The following TOP1 variants were observed in gnomAD, a reference collection of about 807,000 sequenced individuals.
TOP1 encodes the protein DNA topoisomerase 1.
Under a neutral mutation model 111.1 loss-of-function variants are expected in TOP1, and 10 were observed. The observed-to-expected ratio is 0.09, with a 90% CI of 0.06 to 0.15. The LOEUF (loss-of-function observed/expected upper bound fraction) is 0.15. Among genes scored for constraint, TOP1 ranks in the 10% least tolerant of loss-of-function variants. The pLI, the probability that TOP1 is intolerant of heterozygous loss-of-function variation, is 1.00. For missense variants in TOP1, 474 were observed against 926.7 expected, an observed-to-expected ratio of 0.51 and a Z score of 6.34; for synonymous variants, 271 against 302.9, an observed-to-expected ratio of 0.89 and a Z score of 1.10.
chr20:41,080,330 A>G lies in TOP1; in HGVS notation c.431+150A>G, dbSNP rs575345507. 1.8e-6 allele frequency: 1 copy of G among 550,384 alleles called. No individual in the cohort carries two copies. The highest frequency in any genetic ancestry group is 3.2e-5 in the East Asian group (1 of 31,636). 34.1% of individuals were successfully genotyped at this position (550,384 alleles called of 1,614,324 possible). ...TGTGATTAATGGACTGATTTCTCTG[A>G]ACTATGAGAAGTAGAGTTTGCTAAA... On this transcript the variant is annotated intron_variant, in intron 6 of 20. Transcript: ENST00000361337. This position sits in a 1 kb window ranked among gnomAD's most constrained non-coding sequence, Gnocchi z 5.0.
intron 2 of TOP1, among the ~76,000 whole-genome samples, chr20:41,036,292 T>C (rs576032576): frequency 2.6e-5 from 4 of 152,246 alleles, no homozygotes; most frequent in Admixed American, 1.3e-4. Flanking sequence ...ACCCTTTGTA[T>C]GTGGAATGTT....
chr20:41,057,165 C>T (rs2033483855), intron 2 of TOP1, among the ~76,000 whole-genome samples: 1 of 152,012 alleles, frequency 6.6e-6, no homozygotes, highest in African/African-American at 2.4e-5. Context: ...ACTCGGGAGG[C>T]TGAGGCAGGA....
intron 7 of TOP1, 32 bp from the exon 8 acceptor site, chr20:41,084,430 T>C: frequency 1.4e-6 from 2 of 1,397,346 alleles, no homozygotes; most frequent in Non-Finnish European, 9.8e-7. Flanking sequence ...TCAGTCTTTA[T>C]TTAAGTGCTT....
Position 41,036,296 on chromosome 20 carries a change from G to A in TOP1, c.58+6841G>A, listed in dbSNP as rs184496906. 3.5e-4 allele frequency among the ~76,000 whole-genome samples: 54 copies of A among 152,286 alleles called. 1 individual carries two copies. In the East Asian group the frequency reaches 4.8e-3, roughly 14 times the overall value. ...AGATAGCTTGGACCCTTTGTATGTG[G>A]AATGTTAGGTCTAGGGGAAGAGTGG... On this transcript the variant is annotated intron_variant, in intron 2 of 20. Transcript: ENST00000361337.
Position 41,122,495 on chromosome 20 carries a change from C to T in TOP1, c.2195+340C>T, listed in dbSNP as rs146624999. Among the ~76,000 whole-genome samples, 1 of 152,334 alleles carries T rather than the reference C, an allele frequency of 6.6e-6. No homozygotes were observed. Among genetic ancestry groups the T allele is most frequent in the East Asian group, 1.9e-4 (1 of 5,186 alleles). ...ATAGGAAAGAGCCCATCCATCTCTA[C>T]ACTTCAACAAAACTTTTCGTTGAAT... On this transcript the variant is annotated intron_variant, in intron 20 of 20. Coordinates refer to ENST00000361337, the MANE Select transcript of TOP1 (RefSeq NM_003286.4). The surrounding 1 kb of genome is among the most constrained non-coding windows in gnomAD (Gnocchi z 5.4).
At position 41,114,296 on chromosome 20, in the gene TOP1, C is replaced by A; in HGVS notation, c.1638+141C>A. The A allele has an allele frequency of 1.4e-6, 1 of 691,570 alleles. No homozygotes were observed. The highest frequency in any genetic ancestry group is 2.5e-6 in the Non-Finnish European group (1 of 407,164). The allele number at this position is 691,570 out of a possible 1,614,324, so 42.8% of individuals were successfully genotyped here. On this transcript the variant is annotated intron_variant, in intron 15 of 20. Transcript: ENST00000361337. The surrounding 1 kb of genome is among the most constrained non-coding windows in gnomAD (Gnocchi z 4.5). ...AGGCAACATGGCACATGCCTGTAGA[C>A]CCAGCTATTCAGAAGGCTGAGACAG... is the stretch of plus-strand genomic sequence containing the variant.
intron 8 of TOP1, among the ~76,000 whole-genome samples, chr20:41,086,704 G>T (rs1203143309): frequency 6.6e-6 from 1 of 152,130 alleles, no homozygotes; most frequent in African/African-American, 2.4e-5. Context: ...ATGACTTTTG[G>T]TTTTTATTCT....
intron 8 of TOP1, among the ~76,000 whole-genome samples, chr20:41,086,373 T>A (rs942347339): frequency 6.6e-6 from 1 of 152,238 alleles, no homozygotes; most frequent in Non-Finnish European, 1.5e-5. Flanking sequence ...AAGAAAATGA[T>A]TTTTAGAAAT....
intron 2 of TOP1, among the ~76,000 whole-genome samples, chr20:41,054,497 C>CT (rs1314532238): frequency 6.6e-6 from 1 of 152,186 alleles, no homozygotes; most frequent in Non-Finnish European, 1.5e-5. Context: ...TGAGAATGGA[C>CT]TAATACAGAT....
chr20:41,086,277 GAAAA>G (rs899145463), intron 8 of TOP1, among the ~76,000 whole-genome samples: 3 of 147,866 alleles, frequency 2.0e-5, no homozygotes, highest in African/African-American at 5.0e-5. Context: ...AAAAAAAAAA[GAAAA>G]AAAACCCCAC....
chr20:41,060,342 T>C (rs1042569380), intron 2 of TOP1, among the ~76,000 whole-genome samples: 5 of 152,236 alleles, frequency 3.3e-5, no homozygotes, highest in Non-Finnish European at 7.3e-5. Context: ...ACAACTGATA[T>C]ATCCAACAAT....
At position 41,046,623 on chromosome 20, in the gene TOP1, C is replaced by A. The variant is rs924019281; in HGVS notation, c.59-14771C>A. ...GATAGTTTATTTTTTAGCAGTTCAG[C>A]TTGTGCTTGGACCCAGTTGTTCCAG... On this transcript the variant is annotated intron_variant, in intron 2 of 20. Transcript: ENST00000361337. This position sits in a 1 kb window ranked among gnomAD's most constrained non-coding sequence, Gnocchi z 4.3. Among the ~76,000 whole-genome samples, 1 of 152,174 alleles carries A rather than the reference C, an allele frequency of 6.6e-6. No homozygotes were observed. The highest frequency in any genetic ancestry group is 6.5e-5 in the Admixed American group (1 of 15,282).
intron 2 of TOP1, among the ~76,000 whole-genome samples, chr20:41,047,252 A>G (rs1329215579): frequency 5.9e-5 from 9 of 152,380 alleles, no homozygotes; most frequent in Admixed American, 4.6e-4. Flanking sequence ...TCTGTCAACA[A>G]TAGACCACTT....
Position 41,098,435 on chromosome 20 carries a change from A to G in TOP1, c.975+98A>G. 1 of 1,298,754 alleles carries G rather than the reference A, an allele frequency of 7.7e-7. No homozygotes were observed. The highest frequency in any genetic ancestry group is 1.1e-6 in the Non-Finnish European group (1 of 930,230). The allele number at this position is 1,298,754 out of a possible 1,614,324, so 80.5% of individuals were successfully genotyped here. On this transcript the variant is annotated intron_variant, in intron 11 of 20. Transcript: ENST00000361337. The surrounding 1 kb of genome is among the most constrained non-coding windows in gnomAD (Gnocchi z 5.7). Reference sequence around the variant, plus strand: ...CTTATGACACAACATTAACATCAGTAATTTCACATCATTCTATGCTAAAGA... The same window carrying G: ...CTTATGACACAACATTAACATCAGTGATTTCACATCATTCTATGCTAAAGA...
Position 41,124,482 on chromosome 20 carries a change from T to C in TOP1, c.*1185T>C, listed in dbSNP as rs2034463789. On this transcript the variant is annotated 3_prime_UTR_variant, in exon 21 of 21. Transcript: ENST00000361337. The surrounding 1 kb of genome is among the most constrained non-coding windows in gnomAD (Gnocchi z 5.4). ...TTTAAAATAAATTCCTACAACTTAA[T>C]GGAAACTTAAGTGTCTGCCTCTTTG... 2 of 228,412 alleles carry C rather than the reference T, an allele frequency of 8.8e-6. No homozygotes were observed. The highest frequency in any genetic ancestry group is 4.4e-5 in the African/African-American group (2 of 45,090). The allele number at this position is 228,412 out of a possible 1,614,324, so 14.1% of individuals were successfully genotyped here. A position where few individuals can be genotyped will look rare whatever the true frequency, so the allele number is the denominator to read the frequency against.
rs1244811204 is a variant in TOP1, at chr20:41,117,476, C to T, written c.1823-693C>T. Among the ~76,000 whole-genome samples, 4 of 145,386 alleles carry T rather than the reference C, an allele frequency of 2.8e-5. No homozygotes were observed. In the Admixed American group the frequency reaches 2.8e-4, roughly 10 times the overall value. ...TCTCGGCTCACTGCAAGCTCCGCCT[C>T]CTGGGGTTCACGCCATTCTCCTGCC... On this transcript the variant is annotated intron_variant, in intron 17 of 20. Coordinates refer to ENST00000361337, the MANE Select transcript of TOP1 (RefSeq NM_003286.4).
In TOP1 at chr20:41,030,102, A is replaced by G. The variant is rs940621669; in HGVS notation, c.58+647A>G. 6.6e-6 allele frequency among the ~76,000 whole-genome samples: 1 copy of G among 151,966 alleles called. No homozygotes were observed. Among genetic ancestry groups the G allele is most frequent in the African/African-American group, 2.4e-5 (1 of 41,376 alleles). ...AAAGCCACGCTTTGTGGAGTTCTTT[A>G]TATTTCCAGGTTGTTTTTCCCAAGT... On this transcript the variant is annotated intron_variant, in intron 2 of 20. Coordinates refer to ENST00000361337, the MANE Select transcript of TOP1 (RefSeq NM_003286.4). The surrounding 1 kb of genome is among the most constrained non-coding windows in gnomAD (Gnocchi z 4.1).
Position 41,100,941 on chromosome 20 carries a change from G to T in TOP1, c.1164-268G>T. ...TATATATGGTTCACGCATCCCAGGT[G>T]GGACTACAAGAGATTTCATCATGCT... On this transcript the variant is annotated intron_variant, in intron 12 of 20. Transcript: ENST00000361337. This position sits in a 1 kb window ranked among gnomAD's most constrained non-coding sequence, Gnocchi z 4.4. 1 of 442,216 alleles carries T rather than the reference G, an allele frequency of 2.3e-6. No individual in the cohort carries two copies. The highest frequency in any genetic ancestry group is 4.1e-6 in the Non-Finnish European group (1 of 241,104). The allele number at this position is 442,216 out of a possible 1,614,324, so 27.4% of individuals were successfully genotyped here.
rs148386401 is a variant in TOP1 at position 41,114,491 on chromosome 20, A to G, written c.1638+336A>G. Among the ~76,000 whole-genome samples the G allele has an allele frequency of 8.3e-3, 1,266 of 152,314 alleles. 18 individuals are homozygous for G. The highest frequency in any genetic ancestry group is 0.028 in the African/African-American group (1,157 of 41,562). ...AGAGGTATTATTTGATATCTTGTGTACCTCCTTTTAGTCACTGTTCCGCCC... is the reference window on the plus strand; with the variant it reads ...AGAGGTATTATTTGATATCTTGTGTGCCTCCTTTTAGTCACTGTTCCGCCC... On this transcript the variant is annotated intron_variant, in intron 15 of 20. Transcript: ENST00000361337. This position sits in a 1 kb window ranked among gnomAD's most constrained non-coding sequence, Gnocchi z 4.5.
Sources: gnomAD v4.1 joint callset for allele counts (sites outside exome capture counted in the v4.1 genomes callset) on GRCh38, gnomAD v4.1.1 for gene constraint, Gnocchi (gnomAD v3.1) non-coding constraint, MANE v1.5 for transcripts, NCBI Gene and HGNC (gene_info 2026-07-23, HGNC 2026-07-21) for gene names.